Variants in SLC35F3 observed in about 807,000 individuals in gnomAD.
SLC35F3 encodes the protein putative thiamine transporter SLC35F3.
In SLC35F3, 25 loss-of-function variants were observed where a neutral mutation model predicts 49.9. The ratio of observed to expected loss-of-function variants is 0.50; its 90% CI spans 0.37 to 0.70. The LOEUF (loss-of-function observed/expected upper bound fraction) is 0.70, where lower values mean the gene tolerates loss of function less well. Ranked by LOEUF, SLC35F3 falls within the 30% of genes least tolerant of loss-of-function variation. SLC35F3 has a pLI of 0.00. For synonymous variants in SLC35F3, 275 were observed against 265.4 expected (o/e 1.04, Z -0.35); for missense variants, 525 against 639.8 (o/e 0.82, Z 1.94).
chr1:234,234,105 G>A (rs544646157), intron 3 of SLC35F3, among the ~76,000 whole-genome samples: 1 of 152,274 alleles, frequency 6.6e-6, no homozygotes, highest in South Asian at 2.1e-4. Context: ...CAGAGATCAA[G>A]GAAGACTGAA....
chr1:234,290,619 C>T (rs961380927), intron 3 of SLC35F3, among the ~76,000 whole-genome samples: 4 of 152,206 alleles, frequency 2.6e-5, no homozygotes, highest in East Asian at 3.9e-4. Flanking sequence ...ACTCCATTTC[C>T]GTCCCCCACC....
chr1:234,290,608 T>C (rs1668491760), intron 3 of SLC35F3, among the ~76,000 whole-genome samples: 1 of 152,210 alleles, frequency 6.6e-6, no homozygotes, highest in African/African-American at 2.4e-5. Context: ...CTGAGAATCC[T>C]ACTCCATTTC....
At chr1:234,201,157 A>G (rs969787015) in intron 2 of SLC35F3, among the ~76,000 whole-genome samples, 1 of 152,198 alleles carries the variant, frequency 6.6e-6, no homozygotes, top group Non-Finnish European at 1.5e-5. Context: ...GGGCTCATGT[A>G]CTCCAAATCC....
intron 3 of SLC35F3, among the ~76,000 whole-genome samples, chr1:234,280,520 G>A (rs1668306171): frequency 6.6e-6 from 1 of 152,212 alleles, no homozygotes; most frequent in Admixed American, 6.5e-5. Context: ...ACAATATTGA[G>A]CTTGACAGCC....
chr1:234,055,366 CT>C (rs1184483788), intron 2 of SLC35F3, among the ~76,000 whole-genome samples: 2 of 152,220 alleles, frequency 1.3e-5, no homozygotes, highest in Non-Finnish European at 2.9e-5. Context: ...GCGGACACCC[CT>C]CTCCCAGACT....
chr1:233,946,873 C>CACCTAGGAATGTGTGTGTG (rs1425417830), intron 2 of SLC35F3, among the ~76,000 whole-genome samples: 1 of 152,246 alleles, frequency 6.6e-6, no homozygotes, highest in Non-Finnish European at 1.5e-5. Flanking sequence ...ACAGGAATGT[C>CACCTAGGAATGTGTGTGTG]ACCTAGGAAT....
At position 234,323,455 on chromosome 1, in the gene SLC35F3, T is replaced by G; in HGVS notation, c.*212T>G. 1.8e-6 allele frequency: 1 copy of G among 570,254 alleles called. No homozygotes were observed. Among genetic ancestry groups the G allele is most frequent in the Non-Finnish European group, 3.1e-6 (1 of 321,104 alleles). 35.3% of individuals were successfully genotyped at this position (570,254 alleles called of 1,614,324 possible). On this transcript the variant is annotated 3_prime_UTR_variant, in exon 8 of 8. Transcript: ENST00000366618. This position sits in a 1 kb window ranked among gnomAD's most constrained non-coding sequence, Gnocchi z 4.5. ...CAATACAAAAGAGAAAAGAAGAACC[T>G]CTCAGTGCTTTTCCAACGAATGTAA...
intron 3 of SLC35F3, among the ~76,000 whole-genome samples, chr1:234,253,251 G>T (rs150494836): frequency 6.6e-6 from 1 of 152,004 alleles, no homozygotes; most frequent in Non-Finnish European, 1.5e-5. Flanking sequence ...ACTTGAACCC[G>T]GGAGGCAGAG....
chr1:233,987,643 A>C (rs1663288303), intron 2 of SLC35F3, among the ~76,000 whole-genome samples: 1 of 152,110 alleles, frequency 6.6e-6, no homozygotes, highest in Non-Finnish European at 1.5e-5. Flanking sequence ...TATCTGGTGG[A>C]ATCTCTCAGT....
chr1:234,174,588 A>G (rs1029566113), intron 2 of SLC35F3, among the ~76,000 whole-genome samples: 3 of 152,326 alleles, frequency 2.0e-5, no homozygotes, highest in Middle Eastern at 3.4e-3. Context: ...CCGAGGTCAC[A>G]CAGCTAGCAG....
Position 234,280,133 on chromosome 1 carries a change from C to T in SLC35F3, c.609-28968C>T, listed in dbSNP as rs573782669. Among the ~76,000 whole-genome samples, 7 of 152,330 alleles carry T rather than the reference C, an allele frequency of 4.6e-5. No individual in the cohort carries two copies. In the South Asian group the frequency reaches 1.5e-3, roughly 32 times the overall value. Reference sequence around the variant, plus strand: ...ATTTGCCTTCCCTTCCCATATAGAACATATTAACTAACATTTCAATGGCAG... The same window carrying T: ...ATTTGCCTTCCCTTCCCATATAGAATATATTAACTAACATTTCAATGGCAG... On this transcript the variant is annotated intron_variant, in intron 3 of 7. Coordinates refer to ENST00000366618, the MANE Select transcript of SLC35F3 (RefSeq NM_173508.4).
At chr1:234,265,277 A>G (rs1667962978) in intron 3 of SLC35F3, among the ~76,000 whole-genome samples, 1 of 152,092 alleles carries the variant, frequency 6.6e-6, no homozygotes, top group Non-Finnish European at 1.5e-5. Flanking sequence ...CAGCAGCACC[A>G]TTCTTGCAGT....
chr1:234,149,229 G>A (rs181669320), intron 2 of SLC35F3, among the ~76,000 whole-genome samples: 49 of 152,244 alleles, frequency 3.2e-4, no homozygotes, highest in East Asian at 7.7e-4. Context: ...GCCCCTTGGG[G>A]ACATAAAATA....
chr1:234,063,958 A>G (rs1270000110), intron 2 of SLC35F3, among the ~76,000 whole-genome samples: 1 of 152,194 alleles, frequency 6.6e-6, no homozygotes, highest in Non-Finnish European at 1.5e-5. Flanking sequence ...GAGGGTCCAG[A>G]TAGTCCTGTA....
At chr1:234,079,569 T>C (rs1006732114) in intron 2 of SLC35F3, among the ~76,000 whole-genome samples, 37 of 152,210 alleles carry the variant, frequency 2.4e-4, no homozygotes, top group African/African-American at 8.7e-4. Flanking sequence ...AATAAAAAAG[T>C]CATGAATGAA....
intron 5 of SLC35F3, among the ~76,000 whole-genome samples, chr1:234,317,385 C>T (rs558623371): frequency 6.6e-6 from 1 of 151,614 alleles, no homozygotes; most frequent in South Asian, 2.1e-4. Context: ...GCTCTCCCCC[C>T]TCACTTCCCT....
At chr1:234,224,426 T>A (rs1430865643) in intron 2 of SLC35F3, among the ~76,000 whole-genome samples, 7 of 152,218 alleles carry the variant, frequency 4.6e-5, no homozygotes. Flanking sequence ...CACTGGATGT[T>A]AGGGCTTCAA....
chr1:233,999,652 C>G (rs1663519342), intron 2 of SLC35F3, among the ~76,000 whole-genome samples: 1 of 152,122 alleles, frequency 6.6e-6, no homozygotes. Flanking sequence ...CCTACTGAGA[C>G]TCTATCCCCC....
chr1:234,214,539 G>T lies in SLC35F3; in HGVS notation c.284-16878G>T. 1 of 1,559,864 alleles carries T rather than the reference G, an allele frequency of 6.4e-7. No individual in the cohort carries two copies. The highest frequency in any genetic ancestry group is 8.7e-7 in the Non-Finnish European group (1 of 1,155,404). ...GCCCGGGTGGCCCCGCTCAGCGCCT[G>T]CAACAGTCCGGTCCTGACCCTTACC... is the stretch of plus-strand genomic sequence containing the variant. On this transcript the variant is annotated intron_variant, in intron 2 of 7. Coordinates refer to ENST00000366618, the MANE Select transcript of SLC35F3 (RefSeq NM_173508.4). The surrounding 1 kb of genome is among the most constrained non-coding windows in gnomAD (Gnocchi z 8.0).
Sources: allele counts gnomAD v4.1 joint callset (sites outside exome capture counted in the v4.1 genomes callset), GRCh38; gene constraint gnomAD v4.1.1; non-coding constraint Gnocchi (gnomAD v3.1); transcripts MANE v1.5; gene names NCBI Gene and HGNC (gene_info 2026-07-23, HGNC 2026-07-21).